ADGRV1: variants seen among roughly 807,000 people sequenced by gnomAD.
ADGRV1 encodes the protein adhesion G protein-coupled receptor V1.
A neutral mutation model predicts 596.2 loss-of-function variants in ADGRV1; 359 were observed. The ratio of observed to expected loss-of-function variants is 0.60; its 90% CI spans 0.55 to 0.66. The LOEUF (loss-of-function observed/expected upper bound fraction) is 0.66. Ranked by LOEUF, ADGRV1 falls within the 30% of genes least tolerant of loss-of-function variation. ADGRV1 has a pLI of 0.00. For synonymous variants in ADGRV1, 2,681 were observed against 2,679.2 expected (o/e 1.00, Z -0.02); for missense variants, 7,274 against 7,575.6 (o/e 0.96, Z 1.48).
At chr5:91,006,810 G>A (rs962868169) in intron 85 of ADGRV1, among the ~76,000 whole-genome samples, 2 of 152,014 alleles carry the variant, frequency 1.3e-5, no homozygotes, top group Non-Finnish European at 2.9e-5. Flanking sequence ...TCATAGATCA[G>A]CTTCTGTATC....
intron 45 of ADGRV1, among the ~76,000 whole-genome samples, chr5:90,724,322 C>T (rs938925297): frequency 2.0e-5 from 3 of 152,122 alleles, no homozygotes; most frequent in Non-Finnish European, 2.9e-5. Flanking sequence ...CTCCGCCTCC[C>T]GGGTTCAAGC....
chr5:91,112,355 T>C (rs965874560), intron 87 of ADGRV1, among the ~76,000 whole-genome samples: 1 of 152,190 alleles, frequency 6.6e-6, no homozygotes, highest in Non-Finnish European at 1.5e-5. Flanking sequence ...GATTTTTCCA[T>C]TTTCTGAGCA....
At chr5:90,936,605 T>G (rs1775716590) in intron 83 of ADGRV1, among the ~76,000 whole-genome samples, 1 of 152,030 alleles carries the variant, frequency 6.6e-6, no homozygotes, top group Admixed American at 6.5e-5. Context: ...GTTTATATTT[T>G]TATCTTTACT....
chr5:90,601,737 A>AT (rs1310480387), intron 1 of ADGRV1, among the ~76,000 whole-genome samples: 1 of 152,108 alleles, frequency 6.6e-6, no homozygotes, highest in African/African-American at 2.4e-5. Flanking sequence ...GCTCTGCTGC[A>AT]TTTTTTTCAG....
chr5:90,566,669 G>A (rs978339946), intron 1 of ADGRV1, among the ~76,000 whole-genome samples: 1 of 151,842 alleles, frequency 6.6e-6, no homozygotes, highest in African/African-American at 2.4e-5. Context: ...ATTGATTCTT[G>A]TATATTGATT....
intron 87 of ADGRV1, among the ~76,000 whole-genome samples, chr5:91,146,423 GTT>G (rs1479276285): frequency 6.6e-6 from 1 of 152,206 alleles, no homozygotes; most frequent in African/African-American, 2.4e-5. Context: ...ATTGTCAAGA[GTT>G]TGACTGGGTC....
intron 85 of ADGRV1, among the ~76,000 whole-genome samples, chr5:90,995,234 T>G (rs1457874956): frequency 6.6e-6 from 1 of 152,208 alleles, no homozygotes; most frequent in Non-Finnish European, 1.5e-5. Flanking sequence ...ACTTCCTGTC[T>G]CCTTACCCTA....
In ADGRV1 at chr5:90,728,947, G is replaced by T. The variant is rs749743624; in HGVS notation, c.10426+14G>T. ...ATGTCTTTCTAGGTGAGAAGATAAA[G>T]TATTTGTAGTGTATATATAATTATT... On this transcript the variant is annotated intron_variant, in intron 49 of 89. Coordinates refer to ENST00000405460, the MANE Select transcript of ADGRV1 (RefSeq NM_032119.4). 4 of 1,538,966 alleles carry T rather than the reference G, an allele frequency of 2.6e-6. No homozygotes were observed. Among genetic ancestry groups the T allele is most frequent in the Non-Finnish European group, 3.6e-6 (4 of 1,118,592 alleles).
chr5:90,894,988 G>T (rs906794166), intron 83 of ADGRV1, among the ~76,000 whole-genome samples: 1 of 152,024 alleles, frequency 6.6e-6, no homozygotes, highest in Non-Finnish European at 1.5e-5. Flanking sequence ...GAGTGCAGTG[G>T]CATGATCACG....
chr5:90,817,687 T>G (rs1354019130), intron 75 of ADGRV1, among the ~76,000 whole-genome samples: 1 of 152,180 alleles, frequency 6.6e-6, no homozygotes, highest in Admixed American at 6.5e-5. Context: ...TCCCCATTGC[T>G]TGTTTTTCTC....
rs1218417217 is a variant in ADGRV1 at position 90,647,370 on chromosome 5, G to A, written c.3023-128G>A. 6.1e-6 allele frequency: 5 copies of A among 820,946 alleles called. No individual in the cohort carries two copies. In the East Asian group the frequency reaches 1.0e-4, roughly 17 times the overall value. The allele number at this position is 820,946 out of a possible 1,614,324, so 50.9% of individuals were successfully genotyped here. ...TAGTCATGTCAGAGTTGGGAACAGA[G>A]CTAATTATTTTGGCAAAGACACAGT... On this transcript the variant is annotated intron_variant, in intron 16 of 89. Coordinates refer to ENST00000405460, the MANE Select transcript of ADGRV1 (RefSeq NM_032119.4).
rs79852305 is a variant in ADGRV1, at chr5:90,677,131, G to A, written c.5443+922G>A. ...GACAGTCCCTTTCATTACAAAACCC[G>A]GTATCATTACCTCATTATTATTATT... On this transcript the variant is annotated intron_variant, in intron 25 of 89. Transcript: ENST00000405460. Among the ~76,000 whole-genome samples the A allele has an allele frequency of 7.2e-4, 110 of 152,122 alleles. 1 individual carries two copies. In the East Asian group the frequency reaches 0.012, roughly 16 times the overall value.
chr5:90,591,395 CA>C (rs35316951), intron 1 of ADGRV1, among the ~76,000 whole-genome samples: 53 of 150,316 alleles, frequency 3.5e-4, no homozygotes, highest in Non-Finnish European at 5.8e-4. Context: ...GACTCTGTCT[CA>C]AAAAAAATAT....
In ADGRV1 at chr5:90,675,388, G is replaced by T. The variant is rs1773081574; in HGVS notation, c.5256G>T (p.Arg1752Ser). The T allele has an allele frequency of 1.2e-6, 2 of 1,613,670 alleles. No individual in the cohort carries two copies. The highest frequency in any genetic ancestry group is 1.7e-6 in the Non-Finnish European group (2 of 1,179,862). ...LVIRAQGLLG[R>S]VTAEFRTVSL... ...TCCGTGCACAGGGACTTCTGGGAAGGGTGACTGCGGAATTTAGAACAGTGT... is the reference window on the plus strand; with the variant it reads ...TCCGTGCACAGGGACTTCTGGGAAGTGTGACTGCGGAATTTAGAACAGTGT... Residue 1752 changes from arginine (R) to serine (S), a missense_variant, in exon 24 of 90, where the codon AGG (arginine) becomes AGT (serine). Physicochemically the swap from Arg to Ser is moderately radical, Grantham distance 110 (BLOSUM62 -1). Coordinates refer to ENST00000405460, the MANE Select transcript of ADGRV1 (RefSeq NM_032119.4).
rs764469103 is a variant in ADGRV1 at position 90,642,745 on chromosome 5, G to A, written c.2350G>A (p.Gly784Arg). The change falls in exon 12 of 90, where the codon GGA becomes AGA. Residue 784 changes from glycine to arginine, a missense_variant. Around this residue, in one of 5 missense-constraint regions of ADGRV1, gnomAD observed 1,715 missense variants for 1,708.8 expected, o/e 1.00. Coordinates refer to ENST00000405460, the MANE Select transcript of ADGRV1 (RefSeq NM_032119.4). Reference sequence around the variant, plus strand: ...TTTTGAATTTTCTCCTGCTTCCAGAGGACCCTATGTTATAAAAGTAAGTAC... The same window carrying A: ...TTTTGAATTTTCTCCTGCTTCCAGAAGACCCTATGTTATAAAAGTAAGTAC... ...GVFEFSPASR[G>R]PYVIKEGESV... The A allele has an allele frequency of 1.2e-6, 2 of 1,613,228 alleles. No individual in the cohort carries two copies. Among genetic ancestry groups the A allele is most frequent in the Non-Finnish European group, 1.7e-6 (2 of 1,179,486 alleles).
rs115095687 is a variant in ADGRV1, at chr5:90,802,940, A to G, written c.14661+58A>G. On this transcript the variant is annotated intron_variant, in intron 71 of 89. Coordinates refer to ENST00000405460, the MANE Select transcript of ADGRV1 (RefSeq NM_032119.4). Reference sequence around the variant, plus strand: ...AACACTAGAGGGCAGCTTTTACAGGAAGGACGGAGACTCTTAGAGCTAGAA... The same window carrying G: ...AACACTAGAGGGCAGCTTTTACAGGGAGGACGGAGACTCTTAGAGCTAGAA... 3,233 of 1,436,926 alleles carry G rather than the reference A, an allele frequency of 2.2e-3. 66 individuals are homozygous for G. In the African/African-American group the frequency reaches 0.041, roughly 18 times the overall value. The allele number at this position is 1,436,926 out of a possible 1,614,324, so 89.0% of individuals were successfully genotyped here.
At chr5:90,656,898 C>T (rs1419851640) in intron 20 of ADGRV1, among the ~76,000 whole-genome samples, 3 of 151,986 alleles carry the variant, frequency 2.0e-5, no homozygotes, top group Non-Finnish European at 4.4e-5. Context: ...CACAGTTGGG[C>T]TACATGTTAT....
rs917830970 is a variant in ADGRV1 at position 90,929,222 on chromosome 5, TC to T, written c.17857-36188del. On this transcript the variant is annotated intron_variant, in intron 83 of 89. Coordinates refer to ENST00000405460, the MANE Select transcript of ADGRV1 (RefSeq NM_032119.4). The stretch of plus-strand genomic sequence containing the variant: ...AAGCCTGGGCAATGGCGGGCGCCCC[TC>T]CCCCAGCCTCGCTGCCGCCTTGCAG... 235 of 158,502 alleles carry T rather than the reference TC, an allele frequency of 1.5e-3. 3 individuals are homozygous for T. Among genetic ancestry groups the T allele is most frequent in the African/African-American group, 5.1e-3 (212 of 41,466 alleles). 9.8% of individuals were successfully genotyped at this position (158,502 alleles called of 1,614,324 possible).
At position 90,763,155 on chromosome 5, in the gene ADGRV1, T is replaced by TA. The variant is rs151260872; in HGVS notation, c.12121-142dup. On this transcript the variant is annotated intron_variant, in intron 58 of 89. Transcript: ENST00000405460. ...TCTAGGAATAGAAAGTGGGATTTGG[T>TA]AAAAAAAATTTTTCTGCCACATGAT... 6.0e-3 allele frequency: 3,976 copies of TA among 666,670 alleles called. 118 individuals carry two copies. In the African/African-American group the frequency reaches 0.064, roughly 11 times the overall value. The allele number at this position is 666,670 out of a possible 1,614,324, so 41.3% of individuals were successfully genotyped here. A position where few individuals can be genotyped will look rare whatever the true frequency, so the allele number is the denominator to read the frequency against.
Sources: gnomAD v4.1 joint callset for allele counts (sites outside exome capture counted in the v4.1 genomes callset) on GRCh38, gnomAD v4.1.1 for gene constraint, gnomAD v4.1.1 regional missense constraint, MANE v1.5 for transcripts, NCBI Gene and HGNC (gene_info 2026-07-23, HGNC 2026-07-21) for gene names.